Variants in RNF149 observed in about 807,000 individuals in gnomAD.
The protein encoded by RNF149 is ring finger protein 149.
RNF149 carries 21 observed loss-of-function variants against 39.0 expected under a neutral mutation model. That is an observed-to-expected ratio of 0.54 (90% CI 0.38 to 0.77). The LOEUF is 0.77. RNF149 is among the 30% of genes least tolerant of loss of function. RNF149 has a pLI of 0.00. For missense variants in RNF149, 493 were observed against 534.9 expected, an observed-to-expected ratio of 0.92 and a Z score of 0.77; for synonymous variants, 209 against 213.6, an observed-to-expected ratio of 0.98 and a Z score of 0.19.
rs948766498 is a variant in RNF149 at position 101,289,163 on chromosome 2, T to A, written c.781-108A>T. 7 of 641,204 alleles carry A rather than the reference T, an allele frequency of 1.1e-5. No homozygotes were observed. In the African/African-American group the frequency reaches 1.3e-4, roughly 12 times the overall value. 39.7% of individuals were successfully genotyped at this position (641,204 alleles called of 1,614,324 possible). The stretch of plus-strand genomic sequence containing the variant: ...AATGACGAATTCCCTTCTACAGTGG[T>A]ACAACCGGTGAAATTAAAACACAAA... On this transcript the variant is annotated intron_variant, in intron 3 of 6. Coordinates refer to ENST00000295317, the MANE Select transcript of RNF149 (RefSeq NM_173647.4).
chr2:101,304,622 T>C (rs139838747), intron 1 of RNF149, among the ~76,000 whole-genome samples: 231 of 152,292 alleles, frequency 1.5e-3, no homozygotes, highest in Non-Finnish European at 2.4e-3. Context: ...GCTGAATATA[T>C]GTCTGCTAAA....
chr2:101,308,525 C>G lies in RNF149; in HGVS notation c.64G>C (p.Ala22Pro). Residue 22 changes from alanine to proline, a missense_variant, in exon 1 of 7, where the codon GCC becomes CCC. By Grantham distance (27) the Ala-to-Pro change is conservative. Transcript: ENST00000295317. ...ARGVLALALL[A>P]LALCVPGARG... ...GCCCCGGGCACGCACAGGGCCAGGG[C>G]GAGCAACGCCAGAGCCAACACGCCG... 6.2e-7 allele frequency: 1 copy of G among 1,604,570 alleles called. No homozygotes were observed. Among genetic ancestry groups the G allele is most frequent in the Non-Finnish European group, 8.5e-7 (1 of 1,177,242 alleles).
At chr2:101,273,056 A>C (rs767980544), downstream of RNF149, 1 of 1,356,658 alleles carries the variant, frequency 7.4e-7, no homozygotes, top group Non-Finnish European at 9.8e-7. Flanking sequence ...CAGTAGCTGG[A>C]GGGAGCAGTC....
chr2:101,277,418 T>C, intron 6 of RNF149, 137 bp from the exon 7 acceptor site: 1 of 1,222,922 alleles, frequency 8.2e-7, no homozygotes, highest in Non-Finnish European at 1.1e-6. Flanking sequence ...AGACGGAGTC[T>C]TGTTCTTGTT....
chr2:101,273,629 C>A (rs1346171067), downstream of RNF149, among the ~76,000 whole-genome samples: 7 of 152,022 alleles, frequency 4.6e-5, no homozygotes, highest in African/African-American at 1.7e-4. Flanking sequence ...GATGCCACCA[C>A]ACCTGGCTAA....
At chr2:101,275,519 G>A (rs1682310332), downstream of RNF149, among the ~76,000 whole-genome samples, 1 of 122,214 alleles carries the variant, frequency 8.2e-6, no homozygotes, top group South Asian at 2.8e-4. Flanking sequence ...TCGGCTCACT[G>A]CAAGCTCTGC....
Position 101,276,728 on chromosome 2 carries a change from G to A in RNF149, c.*510C>T. 1.0e-6 allele frequency: 1 copy of A among 987,608 alleles called. No homozygotes were observed. Among genetic ancestry groups the A allele is most frequent in the African/African-American group, 1.8e-5 (1 of 57,030 alleles). The allele number at this position is 987,608 out of a possible 1,614,324, so 61.2% of individuals were successfully genotyped here. On this transcript the variant is annotated 3_prime_UTR_variant, in exon 7 of 7. Transcript: ENST00000295317. ...AAATCTTCACATACACTACAGATGG[G>A]CAAAAAAGCTACAGACATCTCAGTT...
rs1682900087 is a variant in RNF149 at position 101,288,994 on chromosome 2, A to G, written c.842T>C (p.Ile281Thr). 6.4e-7 allele frequency: 1 copy of G among 1,569,400 alleles called. No individual in the cohort carries two copies. Among genetic ancestry groups the G allele is most frequent in the Admixed American group, 1.7e-5 (1 of 59,248 alleles). Residue 281 changes from isoleucine (I) to threonine (T), a missense_variant, in exon 4 of 7, where the codon ATT (isoleucine) becomes ACT (threonine). Coordinates refer to ENST00000295317, the MANE Select transcript of RNF149 (RefSeq NM_173647.4). ...VCIENFKVKD[I>T]IRILPCKHIF... ...ATACTTGCATGGCAGAATTCTAATA[A>G]TATCCTTTACTTTGAAATTTTCAAT...
At chr2:101,305,440 T>C (rs1174372272) in intron 1 of RNF149, among the ~76,000 whole-genome samples, 1 of 152,196 alleles carries the variant, frequency 6.6e-6, no homozygotes, top group Non-Finnish European at 1.5e-5. Flanking sequence ...ACAGTCTAAG[T>C]GGATTCTGTT....
chr2:101,276,543 A>G lies in RNF149; in HGVS notation c.*695T>C. ...GAAGAACTTAATGCTCATGTGCGAT[A>G]TAGAATCTTAGCTTTTTATTTGTAG... On this transcript the variant is annotated 3_prime_UTR_variant, in exon 7 of 7. Coordinates refer to ENST00000295317, the MANE Select transcript of RNF149 (RefSeq NM_173647.4). 1.0e-6 allele frequency: 1 copy of G among 985,822 alleles called. No individual in the cohort carries two copies. Among genetic ancestry groups the G allele is most frequent in the Non-Finnish European group, 1.2e-6 (1 of 829,890 alleles). The allele number at this position is 985,822 out of a possible 1,614,324, so 61.1% of individuals were successfully genotyped here. A position where few individuals can be genotyped will look rare whatever the true frequency, so the allele number is the denominator to read the frequency against.
rs1330175934 is a variant in RNF149 at position 101,295,009 on chromosome 2, C to T, written c.633G>A (p.Met211Ile). ...TTAGCCAGGCTAACGAGATAATCAT[C>T]ATGGTGATGAAGGCAATGGCCACAA... ...VVFVAIAFIT[M>I]MIISLAWLIF... Residue 211 changes from methionine to isoleucine, a missense_variant, in exon 2 of 7, where the codon ATG becomes ATA. By Grantham distance (10) the Met-to-Ile change is conservative. Coordinates refer to ENST00000295317, the MANE Select transcript of RNF149 (RefSeq NM_173647.4). The T allele has an allele frequency of 6.2e-7, 1 of 1,614,044 alleles. No homozygotes were observed. Among genetic ancestry groups the T allele is most frequent in the African/African-American group, 1.3e-5 (1 of 75,024 alleles).
intron 1 of RNF149, 119 bp downstream of exon 1, chr2:101,308,010 A>G: frequency 4.1e-6 from 6 of 1,464,878 alleles, no homozygotes; most frequent in Non-Finnish European, 5.4e-6. Context: ...TCCAACAGCC[A>G]GAGGCCTGAG....
At chr2:101,304,651 G>A (rs1240047934) in intron 1 of RNF149, among the ~76,000 whole-genome samples, 1 of 151,924 alleles carries the variant, frequency 6.6e-6, no homozygotes, top group Non-Finnish European at 1.5e-5. Flanking sequence ...AATTGACTTT[G>A]GGCAACAGCA....
At chr2:101,296,582 A>G (rs1683243082) in intron 1 of RNF149, among the ~76,000 whole-genome samples, 1 of 152,174 alleles carries the variant, frequency 6.6e-6, no homozygotes, top group South Asian at 2.1e-4. Context: ...TAGTGCATAA[A>G]AGCAGAATTC....
At chr2:101,287,833 G>A (rs916558970) in intron 4 of RNF149, among the ~76,000 whole-genome samples, 2 of 152,116 alleles carry the variant, frequency 1.3e-5, no homozygotes, top group Non-Finnish European at 2.9e-5. Context: ...ATATACTAAC[G>A]TACTCTGCAA....
At chr2:101,279,381 G>A (rs1416803610) in intron 6 of RNF149, among the ~76,000 whole-genome samples, 1 of 152,208 alleles carries the variant, frequency 6.6e-6, no homozygotes, top group African/African-American at 2.4e-5. Flanking sequence ...GTAAGGCACT[G>A]CAAGTTAACA....
intron 1 of RNF149, among the ~76,000 whole-genome samples, chr2:101,302,905 T>A (rs1261070680): frequency 6.6e-6 from 1 of 151,128 alleles, no homozygotes; most frequent in East Asian, 2.0e-4. Context: ...GCTTGATCCC[T>A]AAAGGGCAAA....
chr2:101,293,368 C>T (rs757922514), intron 3 of RNF149, among the ~76,000 whole-genome samples: 2 of 152,044 alleles, frequency 1.3e-5, no homozygotes, highest in African/African-American at 2.4e-5. Context: ...TTTCAGAGCG[C>T]ACCAGAAGAA....
chr2:101,271,694 A>ATTC (rs1405901795), downstream of RNF149: 7 of 152,262 alleles, frequency 4.6e-5, no homozygotes, highest in Admixed American at 3.3e-4. Context: ...GATGCCTTGA[A>ATTC]TTCTTTTGAT....
Sources: allele counts gnomAD v4.1 joint callset (sites outside exome capture counted in the v4.1 genomes callset), GRCh38; gene constraint gnomAD v4.1.1; transcripts MANE v1.5; gene names NCBI Gene and HGNC (gene_info 2026-07-23, HGNC 2026-07-21).